The following MIPOL1 variants were observed in gnomAD, a reference collection of about 807,000 sequenced individuals.
MIPOL1 encodes the protein mirror-image polydactyly 1, also known as mirror-image polydactyly gene 1 protein.
In MIPOL1, 57 loss-of-function variants were observed where a neutral mutation model predicts 60.9. That is an observed-to-expected ratio of 0.94 (90% confidence interval 0.76 to 1.17). The LOEUF (loss-of-function observed/expected upper bound fraction) is 1.17, where lower values mean the gene tolerates loss of function less well. Among genes scored for constraint, MIPOL1 ranks in the 50% most tolerant of loss-of-function variants. MIPOL1 has a pLI of 0.00. For missense variants in MIPOL1, 551 were observed against 511.6 expected (o/e 1.08, Z -0.74); for synonymous variants, 179 against 168.8 (o/e 1.06, Z -0.47).
chr14:37,534,961 A>G (rs1363383999), intron 12 of MIPOL1, among the ~76,000 whole-genome samples: 2 of 152,178 alleles, frequency 1.3e-5, no homozygotes. Flanking sequence ...CTTGAGTAAA[A>G]TTATACCAAA....
intron 10 of MIPOL1, among the ~76,000 whole-genome samples, chr14:37,419,816 C>A (rs1312668317): frequency 6.6e-6 from 1 of 151,724 alleles, no homozygotes; most frequent in Non-Finnish European, 1.5e-5. Context: ...TCCTAGCTCA[C>A]TGAAGCCTTG....
chr14:37,205,125 C>T lies in MIPOL1; in HGVS notation c.-199+7021C>T, dbSNP rs78883213. ...AAGTTTTTTGTTTTTTTTTTTGAGA[C>T]GGAGTTTTGCTTTTATTGTCCAGGC... On this transcript the variant is annotated intron_variant, in intron 1 of 12. Coordinates refer to ENST00000684589, the MANE Select transcript of MIPOL1 (RefSeq NM_001388067.1). 5.1e-3 allele frequency among the ~76,000 whole-genome samples: 762 copies of T among 150,440 alleles called. 18 individuals carry two copies. In the East Asian group the frequency reaches 0.063, roughly 12 times the overall value.
In MIPOL1 at chr14:37,270,478, A is replaced by G; in HGVS notation, c.446A>G (p.Glu149Gly). 1 of 1,603,344 alleles carries G rather than the reference A, an allele frequency of 6.2e-7. No homozygotes were observed. Among genetic ancestry groups the G allele is most frequent in the South Asian group, 1.1e-5 (1 of 89,642 alleles). ...CAGAGAAAACTAAAGTTTAAGCTGG[A>G]ACTCCAAGAGAAAGAAACAGAAGCT... ...KEQRKLKFKL[E>G]LQEKETEAKI... Residue 149 changes from glutamate to glycine, a missense_variant, in exon 6 of 13, where the codon GAA becomes GGA. Physicochemically the swap from Glu to Gly is moderately conservative, Grantham distance 98. Coordinates refer to ENST00000684589, the MANE Select transcript of MIPOL1 (RefSeq NM_001388067.1).
At chr14:37,243,323 T>C (rs1264911469) in intron 1 of MIPOL1, among the ~76,000 whole-genome samples, 2 of 152,170 alleles carry the variant, frequency 1.3e-5, no homozygotes, top group African/African-American at 4.8e-5. Context: ...GAGATTCTTT[T>C]GGGAAGAGAA....
At chr14:37,299,506 G>C (rs897684597) in intron 7 of MIPOL1, among the ~76,000 whole-genome samples, 1 of 151,998 alleles carries the variant, frequency 6.6e-6, no homozygotes, top group East Asian at 1.9e-4. Context: ...ATTTGGTTAA[G>C]TTGCATATTC....
At chr14:37,241,890 T>C (rs187443666) in intron 1 of MIPOL1, among the ~76,000 whole-genome samples, 5 of 152,284 alleles carry the variant, frequency 3.3e-5, no homozygotes, top group Admixed American at 6.5e-5. Context: ...AACTTCTCTA[T>C]TCCAAGACAT....
intron 11 of MIPOL1, among the ~76,000 whole-genome samples, chr14:37,476,633 A>C (rs1271577584): frequency 2.6e-5 from 4 of 152,120 alleles, no homozygotes; most frequent in African/African-American, 9.7e-5. Context: ...AGAGGTTTTT[A>C]TCATGAATGA....
At chr14:37,459,890 C>T (rs2094520254) in intron 11 of MIPOL1, among the ~76,000 whole-genome samples, 1 of 152,034 alleles carries the variant, frequency 6.6e-6, no homozygotes, top group Non-Finnish European at 1.5e-5. Flanking sequence ...GCCTGGCCGA[C>T]ATGGTGAAAC....
chr14:37,461,846 C>T (rs2094542511), intron 11 of MIPOL1, among the ~76,000 whole-genome samples: 1 of 152,206 alleles, frequency 6.6e-6, no homozygotes, highest in Non-Finnish European at 1.5e-5. Flanking sequence ...GGCAGCTCCA[C>T]CCTGTGACTT....
chr14:37,540,442 CA>C (rs2095525122), intron 12 of MIPOL1, among the ~76,000 whole-genome samples: 1 of 152,078 alleles, frequency 6.6e-6, no homozygotes, highest in African/African-American at 2.4e-5. Context: ...TGCATATGTA[CA>C]TTTTTATATC....
At chr14:37,371,571 G>A (rs2153498980) in intron 10 of MIPOL1, among the ~76,000 whole-genome samples, 1 of 152,020 alleles carries the variant, frequency 6.6e-6, no homozygotes, top group South Asian at 2.1e-4. Context: ...GTGAAGATGA[G>A]AGGAAGAATT....
chr14:37,485,281 C>T (rs192520740), intron 11 of MIPOL1, among the ~76,000 whole-genome samples: 39 of 152,154 alleles, frequency 2.6e-4, no homozygotes, highest in African/African-American at 8.4e-4. Context: ...TGAACAGTGC[C>T]GCAGTAAACA....
chr14:37,461,991 G>A (rs1409342812), intron 11 of MIPOL1, among the ~76,000 whole-genome samples: 1 of 152,150 alleles, frequency 6.6e-6, no homozygotes, highest in Non-Finnish European at 1.5e-5. Flanking sequence ...TCTTCTCACA[G>A]CTCCACTAGA....
Position 37,423,736 on chromosome 14 carries a change from T to G in MIPOL1, c.1031+787T>G, listed in dbSNP as rs758041542. ...GTTTTTGAAAGATTTTTGTTTTAAT[T>G]TGGACCTTTTCTCAGAATAAAGTTA... On this transcript the variant is annotated intron_variant, in intron 11 of 12. Coordinates refer to ENST00000684589, the MANE Select transcript of MIPOL1 (RefSeq NM_001388067.1). The G allele has an allele frequency of 3.7e-4, 57 of 152,122 alleles. 1 individual carries two copies. The highest frequency in any genetic ancestry group is 6.8e-4 in the Non-Finnish European group (46 of 67,986). The allele number at this position is 152,122 out of a possible 1,614,324, so 9.4% of individuals were successfully genotyped here.
intron 10 of MIPOL1, among the ~76,000 whole-genome samples, chr14:37,387,079 G>T (rs190403503): frequency 4.6e-5 from 7 of 151,938 alleles, no homozygotes; most frequent in Admixed American, 4.6e-4. Flanking sequence ...CGTAAGTTTG[G>T]TGTTGATATC....
chr14:37,372,293 G>A (rs929137600), intron 10 of MIPOL1, among the ~76,000 whole-genome samples: 9 of 151,970 alleles, frequency 5.9e-5, no homozygotes, highest in Non-Finnish European at 8.8e-5. Context: ...CAGTTATCAC[G>A]TAAGGAAATA....
intron 11 of MIPOL1, among the ~76,000 whole-genome samples, chr14:37,442,091 TGTGTG>T (rs2094257002): frequency 6.1e-5 from 1 of 16,286 alleles, no homozygotes; most frequent in Non-Finnish European, 1.4e-4. Flanking sequence ...TACTTTGTTG[TGTGTG>T]TGTGTGTGTG....
chr14:37,236,492 A>C (rs535596387), intron 1 of MIPOL1, among the ~76,000 whole-genome samples: 1 of 151,758 alleles, frequency 6.6e-6, no homozygotes, highest in Non-Finnish European at 1.5e-5. Context: ...GCTGGAGTGC[A>C]TTGGTGCAAT....
intron 1 of MIPOL1, among the ~76,000 whole-genome samples, chr14:37,202,744 C>A (rs1965531279): frequency 6.6e-6 from 1 of 152,138 alleles, no homozygotes; most frequent in South Asian, 2.1e-4. Context: ...TACCTTCTCC[C>A]CTGCATATTG....
Sources: allele counts gnomAD v4.1 joint callset (sites outside exome capture counted in the v4.1 genomes callset), GRCh38; gene constraint gnomAD v4.1.1; transcripts MANE v1.5; gene names NCBI Gene and HGNC (gene_info 2026-07-23, HGNC 2026-07-21).